AOAH: variants seen among roughly 807,000 people sequenced by gnomAD.
AOAH encodes acyloxyacyl hydrolase, also known as acyloxyacyl hydrolase (neutrophil).
Under a neutral mutation model 92.2 loss-of-function variants are expected in AOAH, and 64 were observed. The observed-to-expected ratio is 0.69, with a 90% confidence interval of 0.57 to 0.86. The LOEUF (loss-of-function observed/expected upper bound fraction) is 0.86, where lower values mean the gene tolerates loss of function less well. Among genes scored for constraint, AOAH ranks in the 40% least tolerant of loss-of-function variants. AOAH has a pLI of 0.00. For synonymous variants in AOAH, 263 were observed against 254.5 expected, an observed-to-expected ratio of 1.03 and a Z score of -0.32; for missense variants, 656 against 694.6, an observed-to-expected ratio of 0.94 and a Z score of 0.62.
chr7:36,522,155 A>T, intron 19 of AOAH, 40 bp from the exon 20 acceptor site: 1 of 1,592,654 alleles, frequency 6.3e-7, no homozygotes, highest in East Asian at 2.2e-5. Context: ...ACACACTTGC[A>T]CAAGCAACGG....
chr7:36,718,972 A>G (rs1799442110), intron 1 of AOAH, among the ~76,000 whole-genome samples: 2 of 152,204 alleles, frequency 1.3e-5, no homozygotes, highest in Non-Finnish European at 2.9e-5. Flanking sequence ...ATTTAAAACA[A>G]TATGGGAAAA....
chr7:36,693,271 T>A (rs1797520496), intron 1 of AOAH, among the ~76,000 whole-genome samples: 2 of 152,210 alleles, frequency 1.3e-5, no homozygotes, highest in African/African-American at 4.8e-5. Flanking sequence ...TCTATCTAGT[T>A]ACAAAAGATA....
intron 20 of AOAH, among the ~76,000 whole-genome samples, chr7:36,517,354 G>C (rs1583708112): frequency 6.7e-6 from 1 of 149,898 alleles, no homozygotes; most frequent in Non-Finnish European, 1.5e-5. Flanking sequence ...GCAGTGGCCA[G>C]ATCTCGGCTC....
In AOAH at chr7:36,560,740, A is replaced by C. The variant is rs58752020; in HGVS notation, c.1022-11265T>G. 9.0e-3 allele frequency among the ~76,000 whole-genome samples: 1,370 copies of C among 152,266 alleles called. 16 individuals carry two copies. Among genetic ancestry groups the C allele is most frequent in the African/African-American group, 0.031 (1,299 of 41,550 alleles). On this transcript the variant is annotated intron_variant, in intron 13 of 20. Coordinates refer to ENST00000617537, the MANE Select transcript of AOAH (RefSeq NM_001637.4). ...GCTTTTTATATCTTTCTTTTGCCTG[A>C]TTGCTCTGGCAAGGACTTCCAGTAC...
intron 11 of AOAH, among the ~76,000 whole-genome samples, chr7:36,615,248 G>A (rs892855596): frequency 3.3e-5 from 5 of 152,072 alleles, no homozygotes; most frequent in Non-Finnish European, 2.9e-5. Flanking sequence ...ATAATGTGAC[G>A]ATGAACATAA....
At position 36,514,693 on chromosome 7, in the gene AOAH, G is replaced by A. The variant is rs1044379933; in HGVS notation, c.1600-1313C>T. On this transcript the variant is annotated intron_variant, in intron 20 of 20. Transcript: ENST00000617537. ...TTTTCAATGCTGAGCAATGAGAAAT[G>A]TGATTGCTGAAGGCCTGCCAGAGGG... 1.6e-5 allele frequency: 13 copies of A among 801,244 alleles called. No homozygotes were observed. The African/African-American group carries it at 1.9e-4, about 12-fold the overall frequency. The allele number at this position is 801,244 out of a possible 1,614,324, so 49.6% of individuals were successfully genotyped here. A position where few individuals can be genotyped will look rare whatever the true frequency, so the allele number is the denominator to read the frequency against.
At position 36,637,858 on chromosome 7, in the gene AOAH, G is replaced by A. The variant is rs751961165; in HGVS notation, c.443C>T (p.Pro148Leu). The A allele has an allele frequency of 4.3e-6, 7 of 1,613,768 alleles. No homozygotes were observed. The highest frequency in any genetic ancestry group is 3.3e-5 in the Admixed American group (2 of 59,990). ...TACGTGCTTAGTGCTTACCAGAATC[G>A]GGGACTTCTTGACAATTTGTCTTGC... The part of the protein sequence containing the change: ...QKARQIVKKS[P>L]ILKYSRSGSD... Residue 148 changes from proline to leucine, a missense_variant, in exon 5 of 21, where the codon CCG becomes CTG. Transcript: ENST00000617537.
chr7:36,665,428 AT>A (rs35210064), intron 3 of AOAH, among the ~76,000 whole-genome samples: 27,292 of 142,692 alleles, frequency 0.19, 2,674 homozygotes, highest in Non-Finnish European at 0.25. Flanking sequence ...TAGTTCTAGA[AT>A]TTTTTTTTTT....
intron 1 of AOAH, among the ~76,000 whole-genome samples, chr7:36,717,728 T>TTTTA (rs1554327714): frequency 4.2e-5 from 1 of 23,654 alleles, no homozygotes; most frequent in South Asian, 1.6e-3. Context: ...TCTCTTCTTA[T>TTTTA]TTTTTTTTTT....
intron 10 of AOAH, among the ~76,000 whole-genome samples, chr7:36,617,794 C>A (rs1583956958): frequency 1.3e-5 from 2 of 152,284 alleles, no homozygotes; most frequent in African/African-American, 4.8e-5. Flanking sequence ...AGCTTTTGCC[C>A]AGCTATTTTT....
intron 10 of AOAH, among the ~76,000 whole-genome samples, 159 bp from the exon 11 acceptor site, chr7:36,616,633 A>G (rs1791905356): frequency 6.6e-6 from 1 of 152,230 alleles, no homozygotes; most frequent in Non-Finnish European, 1.5e-5. Context: ...AGTGAGGGGC[A>G]TAGCATTTCG....
chr7:36,648,652 C>G (rs1385737561), intron 4 of AOAH, among the ~76,000 whole-genome samples: 1 of 146,638 alleles, frequency 6.8e-6, no homozygotes, highest in Non-Finnish European at 1.5e-5. Flanking sequence ...TTAAGTGATT[C>G]AGTCTTTAAT....
intron 3 of AOAH, chr7:36,660,968 C>G (rs948768123): frequency 6.6e-6 from 1 of 152,176 alleles, no homozygotes; most frequent in Non-Finnish European, 1.5e-5. Flanking sequence ...ATTATTGATT[C>G]AAACCACAAG....
intron 3 of AOAH, among the ~76,000 whole-genome samples, chr7:36,664,279 G>A (rs896202554): frequency 1.3e-5 from 2 of 151,994 alleles, no homozygotes; most frequent in African/African-American, 4.8e-5. Flanking sequence ...TCCATTTTGA[G>A]TTCATTTTTG....
chr7:36,519,376 G>A (rs1030181320), intron 20 of AOAH, among the ~76,000 whole-genome samples: 2 of 152,128 alleles, frequency 1.3e-5, no homozygotes, highest in Admixed American at 6.5e-5. Flanking sequence ...ACCCCTCTTC[G>A]CTTCCCTTCA....
At chr7:36,623,129 A>G in intron 7 of AOAH, 61 bp downstream of exon 7, 3 of 1,372,188 alleles carry the variant, frequency 2.2e-6, no homozygotes, top group Non-Finnish European at 3.1e-6. Flanking sequence ...ATTAAAGGAA[A>G]GAAATGTGTA....
chr7:36,551,557 A>T (rs1202321533), intron 13 of AOAH, among the ~76,000 whole-genome samples: 1 of 152,048 alleles, frequency 6.6e-6, no homozygotes, highest in Non-Finnish European at 1.5e-5. Flanking sequence ...CCACCCTCCT[A>T]CTTTCTGCCC....
At position 36,693,747 on chromosome 7, in the gene AOAH, C is replaced by T. The variant is rs528997848; in HGVS notation, c.128-6953G>A. Among the ~76,000 whole-genome samples, 7 of 152,270 alleles carry T rather than the reference C, an allele frequency of 4.6e-5. No homozygotes were observed. In the South Asian group the frequency reaches 1.5e-3, roughly 32 times the overall value. ...TAAAGGTAAAATGTTATTGGAATTG[C>T]ACCTCTTAATGACATTTTTGAGACT... On this transcript the variant is annotated intron_variant, in intron 1 of 20. Coordinates refer to ENST00000617537, the MANE Select transcript of AOAH (RefSeq NM_001637.4).
intron 12 of AOAH, among the ~76,000 whole-genome samples, chr7:36,585,754 T>C (rs1789278399): frequency 6.6e-6 from 1 of 152,172 alleles, no homozygotes; most frequent in Non-Finnish European, 1.5e-5. Context: ...CATTTCTTCA[T>C]GTACAAATGA....
Sources: allele counts gnomAD v4.1 joint callset (sites outside exome capture counted in the v4.1 genomes callset), GRCh38; gene constraint gnomAD v4.1.1; transcripts MANE v1.5; gene names NCBI Gene and HGNC (gene_info 2026-07-23, HGNC 2026-07-21).